EXOC4: variants seen among roughly 807,000 people sequenced by gnomAD.
EXOC4 encodes SEC8-like 1.
In EXOC4, 71 loss-of-function variants were observed where a neutral mutation model predicts 107.2. The observed-to-expected ratio is 0.66, with a 90% CI of 0.55 to 0.81. The LOEUF (loss-of-function observed/expected upper bound fraction) is 0.81, where lower values mean the gene tolerates loss of function less well. EXOC4 is among the 30% of genes least tolerant of loss of function. The pLI, the probability that EXOC4 is intolerant of heterozygous loss-of-function variation, is 0.00. For missense variants in EXOC4, 1,108 were observed against 1,189.6 expected, an observed-to-expected ratio of 0.93 and a Z score of 1.01; for synonymous variants, 456 against 441.2, an observed-to-expected ratio of 1.03 and a Z score of -0.42.
At chr7:133,573,857 T>C (rs28399159) in intron 9 of EXOC4, among the ~76,000 whole-genome samples, 3,028 of 152,310 alleles carry the variant, frequency 0.02, 104 homozygotes, top group African/African-American at 0.068. Flanking sequence ...GTTTGATTCA[T>C]TGCTGTCAGC....
chr7:133,381,074 C>G (rs1046104111), intron 7 of EXOC4, among the ~76,000 whole-genome samples: 1 of 152,100 alleles, frequency 6.6e-6, no homozygotes, highest in Non-Finnish European at 1.5e-5. Context: ...TGTTTCTTAA[C>G]TATGTATTCT....
chr7:133,298,562 G>A (rs1030993933), intron 3 of EXOC4, among the ~76,000 whole-genome samples: 2 of 152,052 alleles, frequency 1.3e-5, no homozygotes, highest in African/African-American at 4.8e-5. Flanking sequence ...GGGAATTGAA[G>A]GGACCATGAG....
Position 133,475,489 on chromosome 7 carries a change from CT to C in EXOC4, c.1328+17del. ...CTCTTTTCAAGTAAGTATTATTCTG[CT>C]GTTAATAGGTTTTAAGAATTGTTAG... On this transcript the variant is annotated intron_variant, in intron 8 of 17. Coordinates refer to ENST00000253861, the MANE Select transcript of EXOC4 (RefSeq NM_021807.4). 1 of 1,609,998 alleles carries C rather than the reference CT, an allele frequency of 6.2e-7. No homozygotes were observed. Among genetic ancestry groups the C allele is most frequent in the Non-Finnish European group, 8.5e-7 (1 of 1,177,358 alleles).
chr7:133,638,530 T>C (rs1210193907), intron 10 of EXOC4, among the ~76,000 whole-genome samples: 1 of 152,186 alleles, frequency 6.6e-6, no homozygotes, highest in Non-Finnish European at 1.5e-5. Flanking sequence ...GCATTGACTT[T>C]CTTCTTTGGA....
At chr7:133,697,862 C>T (rs973444586) in intron 10 of EXOC4, among the ~76,000 whole-genome samples, 11 of 152,108 alleles carry the variant, frequency 7.2e-5, no homozygotes, top group Admixed American at 7.2e-4. Context: ...GGGTGATTTT[C>T]CCTAAACTGA....
chr7:133,700,432 T>TA (rs1010127705), intron 10 of EXOC4, among the ~76,000 whole-genome samples: 27 of 152,256 alleles, frequency 1.8e-4, no homozygotes, highest in African/African-American at 6.0e-4. Flanking sequence ...AAATTGAAAA[T>TA]ATATTGGTTG....
At chr7:133,396,999 C>G (rs1796982603) in intron 7 of EXOC4, among the ~76,000 whole-genome samples, 1 of 152,206 alleles carries the variant, frequency 6.6e-6, no homozygotes, top group Non-Finnish European at 1.5e-5. Context: ...TTTGTCACAA[C>G]AATAATCATG....
At chr7:133,838,852 A>G (rs2151246452) in intron 11 of EXOC4, among the ~76,000 whole-genome samples, 1 of 152,342 alleles carries the variant, frequency 6.6e-6, no homozygotes, top group Middle Eastern at 3.4e-3. Context: ...GCATGGCTGC[A>G]TTTCAGTACA....
intron 1 of EXOC4, among the ~76,000 whole-genome samples, chr7:133,266,854 A>G (rs1380452890): frequency 1.3e-5 from 2 of 152,136 alleles, no homozygotes; most frequent in Non-Finnish European, 2.9e-5. Flanking sequence ...AGAATTTAGG[A>G]CTAGTTCAAA....
At chr7:133,257,371 C>CAG (rs1386263524) in intron 1 of EXOC4, among the ~76,000 whole-genome samples, 13 of 149,088 alleles carry the variant, frequency 8.7e-5, no homozygotes. Flanking sequence ...CACACGCACA[C>CAG]ACACACACAC....
chr7:133,383,846 C>T (rs1001139066), intron 7 of EXOC4, among the ~76,000 whole-genome samples: 1 of 152,096 alleles, frequency 6.6e-6, no homozygotes, highest in Non-Finnish European at 1.5e-5. Context: ...CTCTATTTTG[C>T]GTGGCATCGT....
intron 7 of EXOC4, among the ~76,000 whole-genome samples, chr7:133,442,528 G>A (rs186552249): frequency 6.6e-6 from 1 of 152,160 alleles, no homozygotes; most frequent in East Asian, 1.9e-4. Context: ...AAACACCCTC[G>A]AGGCATGAAG....
rs1192370388 is a variant in EXOC4 at position 133,855,132 on chromosome 7, T to TATATATATATAA, written c.1734+37611_1734+37622dup. On this transcript the variant is annotated intron_variant, in intron 11 of 17. Coordinates refer to ENST00000253861, the MANE Select transcript of EXOC4 (RefSeq NM_021807.4). ...ATATATAAATATATATATATAAATA[T>TATATATATATAA]ATATATATATAAATATATATATAAA... Among the ~76,000 whole-genome samples, 404 of 70,380 alleles carry TATATATATATAA rather than the reference T, an allele frequency of 5.7e-3. 6 individuals are homozygous for TATATATATATAA. The highest frequency in any genetic ancestry group is 0.028 in the African/African-American group (374 of 13,368). 46.2% of individuals were successfully genotyped at this position (70,380 alleles called of 152,430 possible). A position where few individuals can be genotyped will look rare whatever the true frequency, so the allele number is the denominator to read the frequency against.
At chr7:133,849,516 A>G (rs568557152) in intron 11 of EXOC4, among the ~76,000 whole-genome samples, 6 of 152,224 alleles carry the variant, frequency 3.9e-5, no homozygotes, top group Non-Finnish European at 7.3e-5. Context: ...TGTTTTTAAT[A>G]AATTTTATTT....
intron 14 of EXOC4, among the ~76,000 whole-genome samples, chr7:133,945,299 C>T (rs190110833): frequency 4.9e-4 from 74 of 152,298 alleles, no homozygotes; most frequent in South Asian, 1.2e-3. Flanking sequence ...GGTTGAGAAC[C>T]ACTGATTTAG....
intron 7 of EXOC4, among the ~76,000 whole-genome samples, chr7:133,438,172 A>C (rs867667671): frequency 6.6e-6 from 1 of 152,118 alleles, no homozygotes; most frequent in Non-Finnish European, 1.5e-5. Context: ...TTTCTTGTTC[A>C]TTATCATTTT....
chr7:133,527,807 A>C (rs952523351), intron 9 of EXOC4, among the ~76,000 whole-genome samples: 2 of 152,344 alleles, frequency 1.3e-5, no homozygotes, highest in East Asian at 3.9e-4. Flanking sequence ...AATAAAATAC[A>C]ACACTGATAA....
chr7:133,628,816 G>T (rs575405383), intron 9 of EXOC4, among the ~76,000 whole-genome samples: 1 of 152,104 alleles, frequency 6.6e-6, no homozygotes, highest in Non-Finnish European at 1.5e-5. Flanking sequence ...AGTCCTGGTC[G>T]GAATAGGAAA....
At chr7:133,980,026 C>G (rs890553641) in intron 14 of EXOC4, among the ~76,000 whole-genome samples, 1 of 152,172 alleles carries the variant, frequency 6.6e-6, no homozygotes, top group African/African-American at 2.4e-5. Context: ...GCATTCTCCC[C>G]TTTTTATGTA....
Sources: allele counts gnomAD v4.1 joint callset (sites outside exome capture counted in the v4.1 genomes callset), GRCh38; gene constraint gnomAD v4.1.1; transcripts MANE v1.5; gene names NCBI Gene and HGNC (gene_info 2026-07-23, HGNC 2026-07-21).